The following RAD51B variants were observed in gnomAD, a reference collection of about 807,000 sequenced individuals.
RAD51B encodes the protein RAD51 paralog B.
RAD51B carries 38 observed loss-of-function variants against 42.2 expected under a neutral mutation model. The ratio of observed to expected loss-of-function variants is 0.90; its 90% CI spans 0.70 to 1.18. The LOEUF is 1.18. Among genes scored for constraint, RAD51B ranks in the 50% most tolerant of loss-of-function variants. The probability of loss-of-function intolerance (pLI) is 0.00; values close to 1 mark genes in which losing one functional copy is unlikely to be tolerated. For missense variants in RAD51B, 373 were observed against 400.7 expected, an observed-to-expected ratio of 0.93 and a Z score of 0.59; for synonymous variants, 154 against 145.2, an observed-to-expected ratio of 1.06 and a Z score of -0.43.
chr14:67,835,955 A>C (rs2041228297), intron 4 of RAD51B, among the ~76,000 whole-genome samples: 1 of 152,190 alleles, frequency 6.6e-6, no homozygotes, highest in South Asian at 2.1e-4. Context: ...ACAATTTGAA[A>C]TTTTATTAAC....
intron 10 of RAD51B, among the ~76,000 whole-genome samples, chr14:68,619,336 G>A (rs930898341): frequency 6.6e-6 from 1 of 151,850 alleles, no homozygotes; most frequent in Non-Finnish European, 1.5e-5. Context: ...TTATCCAGGC[G>A]CCTGTAGTCC....
chr14:67,962,282 A>G (rs888719188), intron 7 of RAD51B, among the ~76,000 whole-genome samples: 1 of 152,228 alleles, frequency 6.6e-6, no homozygotes, highest in African/African-American at 2.4e-5. Flanking sequence ...AAACTAAAAA[A>G]GTATTTGGAG....
chr14:68,240,990 CTTGT>C (rs2141001839), intron 7 of RAD51B, among the ~76,000 whole-genome samples: 1 of 152,306 alleles, frequency 6.6e-6, no homozygotes, highest in African/African-American at 2.4e-5. Context: ...ACCATCTGTG[CTTGT>C]TTATCGTTTG....
chr14:68,542,360 T>A (rs1228388468), intron 10 of RAD51B, among the ~76,000 whole-genome samples: 1 of 152,252 alleles, frequency 6.6e-6, no homozygotes, highest in East Asian at 1.9e-4. Context: ...ATTCTTATTA[T>A]TTGCTTGTGC....
Position 68,438,944 on chromosome 14 carries a change from G to A in RAD51B, c.957+27417G>A, listed in dbSNP as rs1594839130. 2.0e-5 allele frequency among the ~76,000 whole-genome samples: 3 copies of A among 152,100 alleles called. No individual in the cohort carries two copies. In the South Asian group the frequency reaches 6.2e-4, roughly 32 times the overall value. ...TCTGAAAGACCCACATCTGCAAATTGGGAATCAGGAATCCTTGCTTTCGTG... is the reference window on the plus strand; with the variant it reads ...TCTGAAAGACCCACATCTGCAAATTAGGAATCAGGAATCCTTGCTTTCGTG... On this transcript the variant is annotated intron_variant, in intron 9 of 10. Coordinates refer to ENST00000471583, the MANE Select transcript of RAD51B (RefSeq NM_133510.4).
At chr14:67,902,695 AGT>A (rs1015876067) in intron 7 of RAD51B, among the ~76,000 whole-genome samples, 10 of 152,200 alleles carry the variant, frequency 6.6e-5, no homozygotes, top group Non-Finnish European at 1.0e-4. Context: ...GTGATGGATC[AGT>A]GTAGTTCTTT....
chr14:68,228,894 C>G (rs1041448810), intron 7 of RAD51B, among the ~76,000 whole-genome samples: 2 of 152,150 alleles, frequency 1.3e-5, no homozygotes, highest in Non-Finnish European at 2.9e-5. Context: ...TTTGCAGCTT[C>G]CTATAGACTG....
At chr14:68,095,386 A>G (rs1452111604) in intron 7 of RAD51B, among the ~76,000 whole-genome samples, 1 of 152,146 alleles carries the variant, frequency 6.6e-6, no homozygotes, top group Non-Finnish European at 1.5e-5. Context: ...TCCGATTAAT[A>G]GAAGTTGTGC....
chr14:67,844,574 T>C (rs969567938), intron 4 of RAD51B, among the ~76,000 whole-genome samples: 7 of 149,946 alleles, frequency 4.7e-5, no homozygotes, highest in African/African-American at 1.7e-4. Context: ...AATTGAATGC[T>C]TTACCATTAT....
intron 8 of RAD51B, among the ~76,000 whole-genome samples, chr14:68,333,508 C>T (rs1397388170): frequency 1.3e-5 from 2 of 152,174 alleles, no homozygotes; most frequent in South Asian, 2.1e-4. Flanking sequence ...TGAACAGGCA[C>T]AAGCACTGCA....
intron 10 of RAD51B, among the ~76,000 whole-genome samples, chr14:68,513,253 C>T (rs1001865187): frequency 6.6e-6 from 1 of 152,192 alleles, no homozygotes. Context: ...AGACACATGG[C>T]AATGGTAGCT....
At chr14:67,878,638 T>C (rs1406358471) in intron 5 of RAD51B, among the ~76,000 whole-genome samples, 3 of 152,166 alleles carry the variant, frequency 2.0e-5, no homozygotes, top group African/African-American at 7.2e-5. Flanking sequence ...AACTGGAAAA[T>C]TTAAAGAATA....
intron 10 of RAD51B, among the ~76,000 whole-genome samples, chr14:68,515,725 G>C (rs187032239): frequency 1.3e-3 from 190 of 149,388 alleles, no homozygotes; most frequent in African/African-American, 4.3e-3. Context: ...GGGATTACAG[G>C]TATGAGCCAC....
intron 7 of RAD51B, among the ~76,000 whole-genome samples, chr14:67,926,762 T>C (rs540225847): frequency 9.9e-5 from 15 of 151,916 alleles, no homozygotes; most frequent in African/African-American, 3.6e-4. Flanking sequence ...TGGGGTTTCA[T>C]CATGTTGGCC....
intron 8 of RAD51B, among the ~76,000 whole-genome samples, chr14:68,331,367 C>CAAAAAAAAAAAAAAAAAAAAAAA (rs778136542): frequency 0.022 from 709 of 32,816 alleles, 171 homozygotes; most frequent in Non-Finnish European, 0.041. Context: ...GACTCTGTCT[C>CAAAAAAAAAAAAAAAAAAAAAAA]AAAAAAAAAA....
At chr14:67,918,774 A>C (rs747432216) in intron 7 of RAD51B, among the ~76,000 whole-genome samples, 10 of 152,250 alleles carry the variant, frequency 6.6e-5, no homozygotes, top group Non-Finnish European at 1.0e-4. Context: ...ATACCTTCAA[A>C]GTGCTGAGGG....
intron 8 of RAD51B, among the ~76,000 whole-genome samples, chr14:68,306,921 G>T (rs1227393143): frequency 6.6e-6 from 1 of 152,176 alleles, no homozygotes; most frequent in Non-Finnish European, 1.5e-5. Flanking sequence ...CTGTTGACAG[G>T]TCATTGTTGC....
At chr14:68,559,682 C>T (rs184355444) in intron 10 of RAD51B, among the ~76,000 whole-genome samples, 7 of 152,078 alleles carry the variant, frequency 4.6e-5, no homozygotes, top group African/African-American at 1.4e-4. Context: ...CCCCCAGGAG[C>T]AATTCTGAGT....
intron 10 of RAD51B, among the ~76,000 whole-genome samples, chr14:68,641,156 AGAT>A (rs1892451466): frequency 6.6e-6 from 1 of 152,210 alleles, no homozygotes; most frequent in Non-Finnish European, 1.5e-5. Flanking sequence ...TTCAGATAAA[AGAT>A]GATGAAGGTC....
Sources: allele counts gnomAD v4.1 joint callset (sites outside exome capture counted in the v4.1 genomes callset), GRCh38; gene constraint gnomAD v4.1.1; transcripts MANE v1.5; gene names NCBI Gene and HGNC (gene_info 2026-07-23, HGNC 2026-07-21).